USP2: variants seen among roughly 807,000 people sequenced by gnomAD.
USP2 encodes ubiquitin carboxyl-terminal hydrolase 2.
In USP2, 33 loss-of-function variants were observed where a neutral mutation model predicts 72.0. The ratio of observed to expected loss-of-function variants is 0.46; its 90% CI spans 0.35 to 0.61. The LOEUF (loss-of-function observed/expected upper bound fraction) is 0.61. USP2 is among the 20% of genes least tolerant of loss of function. The pLI, the probability that USP2 is intolerant of heterozygous loss-of-function variation, is 0.01. For missense variants in USP2, 691 were observed against 797.8 expected (o/e 0.87, Z 1.61); for synonymous variants, 296 against 312.5 (o/e 0.95, Z 0.56).
chr11:119,370,859 G>A (rs557083310), intron 2 of USP2, among the ~76,000 whole-genome samples: 2 of 152,334 alleles, frequency 1.3e-5, no homozygotes, highest in East Asian at 3.9e-4. Flanking sequence ...CTGGAGCCGG[G>A]GGGAGGAGCC....
chr11:119,363,659 G>T (rs1048755613), intron 2 of USP2, among the ~76,000 whole-genome samples: 1 of 151,604 alleles, frequency 6.6e-6, no homozygotes, highest in African/African-American at 2.4e-5. Context: ...CTCCACCCGG[G>T]GAGGGGACCA....
At chr11:119,364,143 C>A in intron 2 of USP2, 1 of 1,216,282 alleles carries the variant, frequency 8.2e-7, no homozygotes, top group Non-Finnish European at 1.0e-6. Context: ...GCGCGCTCCT[C>A]CGCCTCAACC....
At chr11:119,370,579 A>G (rs763392780) in intron 2 of USP2, among the ~76,000 whole-genome samples, 21 of 145,848 alleles carry the variant, frequency 1.4e-4, no homozygotes, top group Non-Finnish European at 2.5e-4. Context: ...CACCTCAGCA[A>G]GACGCACTCT....
Position 119,357,787 on chromosome 11 carries a change from T to C in USP2, c.1471A>G (p.Ile491Val). The change falls in exon 10 of 13, where the codon ATC becomes GTC. Residue 491 changes from isoleucine to valine, a missense_variant. By Grantham distance (29) the Ile-to-Val change is conservative (BLOSUM62 3). Transcript: ENST00000260187. ...GRKRCIKKFSIQRFPKILVLH... is the reference protein window; with the variant it reads ...GRKRCIKKFSVQRFPKILVLH... ...ACCAAGATCTTTGGGAACCTCTGGA[T>C]GGAGAACTTCTTTATACACCGTTTT... 6.2e-7 allele frequency: 1 copy of C among 1,614,050 alleles called. No homozygotes were observed.
chr11:119,363,772 G>T, intron 2 of USP2: 1 of 1,158,994 alleles, frequency 8.6e-7, no homozygotes, highest in Non-Finnish European at 1.1e-6. Context: ...ACCTAGGGGC[G>T]CGTGGCGGGC....
At chr11:119,373,764 C>G (rs1011919209) in intron 1 of USP2, among the ~76,000 whole-genome samples, 1 of 152,166 alleles carries the variant, frequency 6.6e-6, no homozygotes, top group Non-Finnish European at 1.5e-5. Context: ...CACAGGAAGT[C>G]AGCGCATCCT....
rs1406927170 is a variant in USP2, at chr11:119,355,485, T to TGGA, written c.*1349_*1350insTCC. 26 of 152,176 alleles carry TGGA rather than the reference T, an allele frequency of 1.7e-4. No individual in the cohort carries two copies. The highest frequency in any genetic ancestry group is 4.3e-4 in the African/African-American group (18 of 41,434). The allele number at this position is 152,176 out of a possible 1,614,324, so 9.4% of individuals were successfully genotyped here. On this transcript the variant is annotated 3_prime_UTR_variant, in exon 13 of 13. Coordinates refer to ENST00000260187, the MANE Select transcript of USP2 (RefSeq NM_004205.5). ...TTTACTCTCCAGGACAGCACAGAGT[T>TGGA]TTATCCAACTATGTAGGGCAAAATT...
intron 1 of USP2, chr11:119,378,913 G>A (rs1951031341): frequency 1.1e-6 from 1 of 930,268 alleles, no homozygotes; most frequent in Non-Finnish European, 1.3e-6. Context: ...GGGCCCAATG[G>A]GGTGGCCTCT....
At chr11:119,361,671 C>T (rs145244822) in intron 2 of USP2, among the ~76,000 whole-genome samples, 115 of 152,186 alleles carry the variant, frequency 7.6e-4, no homozygotes, top group African/African-American at 2.7e-3. Context: ...CAAGAACTGC[C>T]TTACCGATCC....
chr11:119,358,618 C>T, intron 7 of USP2, 155 bp downstream of exon 7: 1 of 952,144 alleles, frequency 1.1e-6, no homozygotes, highest in Non-Finnish European at 1.6e-6. Flanking sequence ...GCCCGGCCTG[C>T]ACAGCATCTT....
chr11:119,361,937 C>A (rs1950771247), intron 2 of USP2, among the ~76,000 whole-genome samples: 3 of 152,188 alleles, frequency 2.0e-5, no homozygotes, highest in Non-Finnish European at 4.4e-5. Flanking sequence ...GGACAAAGAC[C>A]TTCTCAGCAT....
Position 119,373,255 on chromosome 11 carries a change from G to T in USP2, c.226C>A (p.Arg76=), listed in dbSNP as rs145987190. 1.2e-6 allele frequency: 2 copies of T among 1,613,916 alleles called. No individual in the cohort carries two copies. The highest frequency in any genetic ancestry group is 2.2e-5 in the East Asian group (1 of 44,884). Reference sequence around the variant, plus strand: ...TCGGGTCTCAGCAGGGGGCGGCCCCGGTCATAGTCCAGGAGGGAGGAGGGG... The same window carrying T: ...TCGGGTCTCAGCAGGGGGCGGCCCCTGTCATAGTCCAGGAGGGAGGAGGGG... ...YGPSSLLDYD[R]GRPLLRPDIT... is the part of the protein sequence containing the mutation. Residue 76 remains arginine, a synonymous_variant, in exon 2 of 13, where the codon CGG becomes AGG. Coordinates refer to ENST00000260187, the MANE Select transcript of USP2 (RefSeq NM_004205.5).
intron 2 of USP2, 39 bp from the exon 3 acceptor site, chr11:119,360,273 A>G (rs1268621733): frequency 3.7e-6 from 6 of 1,609,290 alleles, no homozygotes; most frequent in South Asian, 3.3e-5. Context: ...GTGGAAGCAA[A>G]GATGCTAGGC....
At chr11:119,362,209 A>G (rs1331061969) in intron 2 of USP2, among the ~76,000 whole-genome samples, 1 of 152,154 alleles carries the variant, frequency 6.6e-6, no homozygotes, top group Admixed American at 6.5e-5. Context: ...GGGTAGGGAA[A>G]TGGGAAAACG....
intron 2 of USP2, among the ~76,000 whole-genome samples, chr11:119,367,879 G>A (rs1251922897): frequency 6.6e-6 from 1 of 152,236 alleles, no homozygotes; most frequent in Non-Finnish European, 1.5e-5. Flanking sequence ...TCCCCCAGGG[G>A]CAAGGAACAT....
intron 7 of USP2, 194 bp downstream of exon 7, chr11:119,358,579 G>T (rs909004012): frequency 2.9e-6 from 2 of 688,680 alleles, no homozygotes; most frequent in South Asian, 3.7e-5. Context: ...GCCTCCCAAA[G>T]TGTTGGGTTT....
At position 119,373,495 on chromosome 11, in the gene USP2, C is replaced by T. The variant is rs775083828; in HGVS notation, c.-15G>A. 7 of 1,558,322 alleles carry T rather than the reference C, an allele frequency of 4.5e-6. No homozygotes were observed. In the South Asian group the frequency reaches 8.4e-5, roughly 19 times the overall value. On this transcript the variant is annotated 5_prime_UTR_variant, in exon 2 of 13. It adds an upstream start codon to the 5' untranslated region. Coordinates refer to ENST00000260187, the MANE Select transcript of USP2 (RefSeq NM_004205.5). ...AGCTGGGACATCCTTCAGGGTGGCA[C>T]TCAGTGGGGACTGGGAGCCTCATGG...
At chr11:119,363,936 G>A in intron 2 of USP2, 1 of 1,325,724 alleles carries the variant, frequency 7.5e-7, no homozygotes, top group Non-Finnish European at 9.7e-7. Flanking sequence ...CCTTGGCGAG[G>A]GCGGGAAAGG....
At chr11:119,381,089 CT>C (rs756823188) in intron 1 of USP2, among the ~76,000 whole-genome samples, 49 of 152,202 alleles carry the variant, frequency 3.2e-4, no homozygotes, top group Non-Finnish European at 5.1e-4. Context: ...ACCCCCGCCC[CT>C]AACCCCCTTT....
Sources: gnomAD v4.1 joint callset for allele counts (sites outside exome capture counted in the v4.1 genomes callset) on GRCh38, gnomAD v4.1.1 for gene constraint, MANE v1.5 for transcripts, NCBI Gene and HGNC (gene_info 2026-07-23, HGNC 2026-07-21) for gene names.